Variants in PITX1 observed in about 807,000 individuals in gnomAD.
The protein encoded by PITX1 is pituitary homeobox 1.
In PITX1, 5 loss-of-function variants were observed where a neutral mutation model predicts 24.1. That is an observed-to-expected ratio of 0.21 (90% CI 0.11 to 0.44). The LOEUF is 0.44. Among genes scored for constraint, PITX1 ranks in the 20% least tolerant of loss-of-function variants. The probability of loss-of-function intolerance (pLI) is 0.99; values close to 1 mark genes in which losing one functional copy is unlikely to be tolerated. For synonymous variants in PITX1, 213 were observed against 208.9 expected (o/e 1.02, Z -0.17); for missense variants, 401 against 455.4 (o/e 0.88, Z 1.09).
intron 2 of PITX1, among the ~76,000 whole-genome samples, chr5:135,029,746 G>A (rs1192512649): frequency 6.6e-6 from 1 of 152,064 alleles, no homozygotes; most frequent in Non-Finnish European, 1.5e-5. Context: ...CCAATTCTTC[G>A]ATCTATTTCA....
At position 135,033,937 on chromosome 5, in the gene PITX1, C is replaced by T. The variant is rs1425999034; in HGVS notation, c.-56G>A. On this transcript the variant is annotated 5_prime_UTR_variant, in exon 1 of 3. Transcript: ENST00000265340. The surrounding 1 kb of genome is among the most constrained non-coding windows in gnomAD (Gnocchi z 5.9). The stretch of plus-strand genomic sequence containing the variant: ...GGCCGGGGCTGGGCGCGCCCCGCCG[C>T]CCTGGCTGCGACCTGCGGGGACAAG... 16 of 1,163,548 alleles carry T rather than the reference C, an allele frequency of 1.4e-5. No homozygotes were observed. Among genetic ancestry groups the T allele is most frequent in the Non-Finnish European group, 4.4e-6 (4 of 911,506 alleles). The allele number at this position is 1,163,548 out of a possible 1,614,324, so 72.1% of individuals were successfully genotyped here.
At chr5:135,029,393 C>A in intron 2 of PITX1, 72 bp from the exon 3 acceptor site, 1 of 1,323,652 alleles carries the variant, frequency 7.6e-7, no homozygotes, top group Non-Finnish European at 1.0e-6. Flanking sequence ...TCCCCACCGC[C>A]TGGAGCCTTC....
rs747988603 is a variant in PITX1, at chr5:135,033,058, C to A, written c.169+655G>T. 189 of 445,158 alleles carry A rather than the reference C, an allele frequency of 4.2e-4. No individual in the cohort carries two copies. Among genetic ancestry groups the A allele is most frequent in the Non-Finnish European group, 7.7e-4 (171 of 221,960 alleles). 27.6% of individuals were successfully genotyped at this position (445,158 alleles called of 1,614,324 possible). On this transcript the variant is annotated intron_variant, in intron 1 of 2. Coordinates refer to ENST00000265340, the MANE Select transcript of PITX1 (RefSeq NM_002653.5). The surrounding 1 kb of genome is among the most constrained non-coding windows in gnomAD (Gnocchi z 5.9). ...AAAAAAGGCAGCGCGGAGGGAGACG[C>A]GCAGGAGCCGGGGCGGGGGCCAGAG...
Position 135,033,817 on chromosome 5 carries a change from G to A in PITX1, c.65C>T (p.Pro22Leu). ...GGCGGGCCCCATGTCATGGGGTGGC[G>A]GCGGCGGCGGCCGGAGCCCCTCCGG... ...RLPEGLRPPP[P>L]PPHDMGPAFH... Residue 22 changes from proline (P) to leucine (L), a missense_variant, in exon 1 of 3, where the codon CCG (proline) becomes CTG (leucine). Pro to Leu is a moderately conservative substitution (Grantham distance 98). Coordinates refer to ENST00000265340, the MANE Select transcript of PITX1 (RefSeq NM_002653.5). The surrounding 1 kb of genome is among the most constrained non-coding windows in gnomAD (Gnocchi z 5.9). 1 of 1,543,802 alleles carries A rather than the reference G, an allele frequency of 6.5e-7. No individual in the cohort carries two copies. The highest frequency in any genetic ancestry group is 8.7e-7 in the Non-Finnish European group (1 of 1,154,670).
chr5:135,034,717 C>G (rs1254238823), upstream of PITX1: 2 of 152,376 alleles, frequency 1.3e-5, no homozygotes, highest in East Asian at 1.9e-4. Context: ...AGCGCCGGGG[C>G]GGGGGCAGAG....
Position 135,028,701 on chromosome 5 carries a change from G to GC in PITX1, c.*77dup. On this transcript the variant is annotated 3_prime_UTR_variant, in exon 3 of 3. Coordinates refer to ENST00000265340, the MANE Select transcript of PITX1 (RefSeq NM_002653.5). The stretch of plus-strand genomic sequence containing the variant: ...GGTGAGCTGGGGCTTGCGAGCCGGG[G>GC]CCCCGCGTGCGTCCTCCGCGCCCGC... 9.2e-7 allele frequency: 1 copy of GC among 1,083,706 alleles called. No homozygotes were observed. Among genetic ancestry groups the GC allele is most frequent in the Non-Finnish European group, 1.2e-6 (1 of 854,222 alleles). 67.1% of individuals were successfully genotyped at this position (1,083,706 alleles called of 1,614,324 possible).
In PITX1 at chr5:135,029,247, G is replaced by A. The variant is rs1240788261; in HGVS notation, c.477C>T (p.Gly159=). ...CTAGGCCGCTGAACTGCGGCACGTA[G>A]CCACCCTTGCACAGGTCCAGCTGCT... The part of the protein sequence containing the change: ...RNQQLDLCKG[G]YVPQFSGLVQ... Residue 159 remains glycine, a synonymous_variant, in exon 3 of 3, where the codon GGC becomes GGT. Coordinates refer to ENST00000265340, the MANE Select transcript of PITX1 (RefSeq NM_002653.5). 6.2e-7 allele frequency: 1 copy of A among 1,613,436 alleles called. No individual in the cohort carries two copies. The highest frequency in any genetic ancestry group is 1.7e-5 in the Admixed American group (1 of 60,000).
intron 2 of PITX1, 75 bp downstream of exon 2, chr5:135,031,201 G>T: frequency 1.8e-6 from 2 of 1,116,822 alleles, no homozygotes; most frequent in Non-Finnish European, 2.7e-6. Flanking sequence ...GTGGGTCTAA[G>T]CTTTGGAGGG....
At position 135,028,753 on chromosome 5, in the gene PITX1, C is replaced by T. The variant is rs971531769; in HGVS notation, c.*26G>A. The T allele has an allele frequency of 1.3e-6, 2 of 1,519,200 alleles. No homozygotes were observed. Among genetic ancestry groups the T allele is most frequent in the African/African-American group, 1.4e-5 (1 of 72,044 alleles). The allele number at this position is 1,519,200 out of a possible 1,614,324, so 94.1% of individuals were successfully genotyped here. Reference sequence around the variant, plus strand: ...CCCGCGCCCTTCCCCGCTCCGGCCGCCGGCCCGCGTGGTGCGGCGGGGCGG... The same window carrying T: ...CCCGCGCCCTTCCCCGCTCCGGCCGTCGGCCCGCGTGGTGCGGCGGGGCGG... On this transcript the variant is annotated 3_prime_UTR_variant, in exon 3 of 3. Coordinates refer to ENST00000265340, the MANE Select transcript of PITX1 (RefSeq NM_002653.5).
rs776808560 is a variant in PITX1 at position 135,029,024 on chromosome 5, C to T, written c.700G>A (p.Val234Met). ...TMPSSMGPGAVPGMPNSGLNN... is the reference protein window; with the variant it reads ...TMPSSMGPGAMPGMPNSGLNN... ...AGGCCCGAGTTGGGCATGCCAGGCA[C>T]GGCGCCTGGGCCCATGCTGGACGGC... The change falls in exon 3 of 3, where the codon GTG (valine) becomes ATG (methionine). Residue 234 changes from valine (V) to methionine (M), a missense_variant. Around this residue, in one of 3 missense-constraint regions of PITX1, gnomAD observed 217 missense variants for 219.8 expected, o/e 0.99. Coordinates refer to ENST00000265340, the MANE Select transcript of PITX1 (RefSeq NM_002653.5). 5 of 1,614,090 alleles carry T rather than the reference C, an allele frequency of 3.1e-6. No individual in the cohort carries two copies. The highest frequency in any genetic ancestry group is 3.3e-5 in the Admixed American group (2 of 60,012).
intron 1 of PITX1, 94 bp from the exon 2 acceptor site, chr5:135,031,602 G>C: frequency 3.8e-6 from 4 of 1,042,334 alleles, no homozygotes; most frequent in Non-Finnish European, 5.6e-6. Context: ...CAGCGCTGGC[G>C]GTCTTCCCTC....
chr5:135,028,377 T>C lies in PITX1; in HGVS notation c.*402A>G, dbSNP rs1198455441. 2 of 154,058 alleles carry C rather than the reference T, an allele frequency of 1.3e-5. No homozygotes were observed. The highest frequency in any genetic ancestry group is 2.9e-5 in the Non-Finnish European group (2 of 69,422). The allele number at this position is 154,058 out of a possible 1,614,324, so 9.5% of individuals were successfully genotyped here. On this transcript the variant is annotated 3_prime_UTR_variant, in exon 3 of 3. Transcript: ENST00000265340. ...GATCCAGCGCGGCGGGGACGCGGGATACGAGGTCGTCCTCCCCCGGCCGCT... is the reference window on the plus strand; with the variant it reads ...GATCCAGCGCGGCGGGGACGCGGGACACGAGGTCGTCCTCCCCCGGCCGCT...
At chr5:135,030,857 C>T (rs1561471325) in intron 2 of PITX1, among the ~76,000 whole-genome samples, 1 of 152,242 alleles carries the variant, frequency 6.6e-6, no homozygotes, top group Non-Finnish European at 1.5e-5. Flanking sequence ...GGCAGCCAGA[C>T]AGGACCTGCC....
At chr5:135,031,733 G>A in intron 1 of PITX1, 1 of 594,182 alleles carries the variant, frequency 1.7e-6, no homozygotes, top group Non-Finnish European at 3.0e-6. Context: ...ATCGGAGCTG[G>A]AGCCGCGGGC....
At chr5:135,031,568 C>T in intron 1 of PITX1, 60 bp from the exon 2 acceptor site, 4 of 1,390,644 alleles carry the variant, frequency 2.9e-6, no homozygotes, top group Admixed American at 1.9e-5. Flanking sequence ...CACCCCGTCC[C>T]GGCTCCACCG....
rs1010502370 is a variant in PITX1, at chr5:135,033,039, G to A, written c.169+674C>T. 4.5e-6 allele frequency: 2 copies of A among 448,218 alleles called. No individual in the cohort carries two copies. Among genetic ancestry groups the A allele is most frequent in the East Asian group, 7.1e-5 (1 of 13,994 alleles). The allele number at this position is 448,218 out of a possible 1,614,324, so 27.8% of individuals were successfully genotyped here. Reference sequence around the variant, plus strand: ...AAAAGCTCCAGCTCGGACAAAAAAAGGCAGCGCGGAGGGAGACGCGCAGGA... The same window carrying A: ...AAAAGCTCCAGCTCGGACAAAAAAAAGCAGCGCGGAGGGAGACGCGCAGGA... On this transcript the variant is annotated intron_variant, in intron 1 of 2. Coordinates refer to ENST00000265340, the MANE Select transcript of PITX1 (RefSeq NM_002653.5). This position sits in a 1 kb window ranked among gnomAD's most constrained non-coding sequence, Gnocchi z 5.9.
rs1164419670 is a variant in PITX1 at position 135,028,281 on chromosome 5, T to C, written c.*498A>G. ...AGCTCGGAGAGGGCAACTTGGTTTG[T>C]ACGGGGTCGGGAAATCCTAGGCAAG... On this transcript the variant is annotated 3_prime_UTR_variant, in exon 3 of 3. Transcript: ENST00000265340. 6.6e-6 allele frequency: 1 copy of C among 152,362 alleles called. No individual in the cohort carries two copies. Among genetic ancestry groups the C allele is most frequent in the African/African-American group, 2.4e-5 (1 of 41,468 alleles). 9.4% of individuals were successfully genotyped at this position (152,362 alleles called of 1,614,324 possible). A position where few individuals can be genotyped will look rare whatever the true frequency, so the allele number is the denominator to read the frequency against.
At position 135,033,994 on chromosome 5, in the gene PITX1, C is replaced by T; in HGVS notation, c.-113G>A. 1 of 583,342 alleles carries T rather than the reference C, an allele frequency of 1.7e-6. No individual in the cohort carries two copies. Among genetic ancestry groups the T allele is most frequent in the Non-Finnish European group, 2.4e-6 (1 of 413,404 alleles). 36.1% of individuals were successfully genotyped at this position (583,342 alleles called of 1,614,324 possible). On this transcript the variant is annotated 5_prime_UTR_variant, in exon 1 of 3. Coordinates refer to ENST00000265340, the MANE Select transcript of PITX1 (RefSeq NM_002653.5). The surrounding 1 kb of genome is among the most constrained non-coding windows in gnomAD (Gnocchi z 5.9). ...GCGCCTAAGCGGCTGCCCTCCAGGG[C>T]TGCCGGCGCCTGCAGCGACGCCGTG...
intron 1 of PITX1, among the ~76,000 whole-genome samples, chr5:135,032,298 C>A (rs1752468535): frequency 6.6e-6 from 1 of 152,074 alleles, no homozygotes; most frequent in Admixed American, 6.6e-5. Context: ...ACAAACACAC[C>A]CCTAACTAAA....
Sources: gnomAD v4.1 joint callset for allele counts (sites outside exome capture counted in the v4.1 genomes callset) on GRCh38, gnomAD v4.1.1 for gene constraint, gnomAD v4.1.1 regional missense constraint, Gnocchi (gnomAD v3.1) non-coding constraint, MANE v1.5 for transcripts, NCBI Gene and HGNC (gene_info 2026-07-23, HGNC 2026-07-21) for gene names.